The following ABCG1 variants were observed in gnomAD, a reference collection of about 807,000 sequenced individuals.
ABCG1 encodes ATP binding cassette subfamily G member 1, also known as ATP-binding cassette sub-family G member 1.
A neutral mutation model predicts 69.2 loss-of-function variants in ABCG1; 29 were observed. The observed-to-expected ratio is 0.42, with a 90% CI of 0.31 to 0.57. The LOEUF is 0.57. Among genes scored for constraint, ABCG1 ranks in the 20% least tolerant of loss-of-function variants. ABCG1 has a pLI of 0.15. For synonymous variants in ABCG1, 370 were observed against 374.8 expected, an observed-to-expected ratio of 0.99 and a Z score of 0.15; for missense variants, 718 against 898.1, an observed-to-expected ratio of 0.80 and a Z score of 2.56.
chr21:42,244,300 G>A (rs778448915), intron 2 of ABCG1, among the ~76,000 whole-genome samples: 16 of 152,158 alleles, frequency 1.1e-4, no homozygotes, highest in Non-Finnish European at 2.1e-4. Context: ...AACTTCCTTC[G>A]TCCCCTCCCA....
chr21:42,281,662 C>T (rs1372448568), intron 5 of ABCG1, among the ~76,000 whole-genome samples: 1 of 152,138 alleles, frequency 6.6e-6, no homozygotes, highest in Non-Finnish European at 1.5e-5. Context: ...TTTACAAGAA[C>T]AAAAGTGACT....
At chr21:42,268,064 G>A (rs1003062814) in intron 2 of ABCG1, among the ~76,000 whole-genome samples, 4 of 152,174 alleles carry the variant, frequency 2.6e-5, no homozygotes, top group Non-Finnish European at 4.4e-5. Context: ...CATCCTGCAC[G>A]GGGCTGATGG....
chr21:42,284,201 C>T (rs1325557392), intron 6 of ABCG1, among the ~76,000 whole-genome samples: 17 of 116,312 alleles, frequency 1.5e-4, no homozygotes, highest in Non-Finnish European at 2.6e-4. Context: ...GTTGCAAAGT[C>T]CCCCCGCCCA....
intron 2 of ABCG1, among the ~76,000 whole-genome samples, chr21:42,246,447 C>A (rs892894784): frequency 8.5e-5 from 13 of 152,266 alleles, no homozygotes; most frequent in African/African-American, 3.1e-4. Context: ...TGCTGCTTTG[C>A]TCTGATGGCT....
Position 42,219,309 on chromosome 21 carries a change from G to C in ABCG1, c.42+5G>C. 6.3e-7 allele frequency: 1 copy of C among 1,598,028 alleles called. No homozygotes were observed. On this transcript the variant is annotated splice_donor_5th_base_variant and intron_variant, in intron 1 of 14. Coordinates refer to ENST00000398449, the MANE Select transcript of ABCG1 (RefSeq NM_016818.3). The surrounding 1 kb of genome is among the most constrained non-coding windows in gnomAD (Gnocchi z 5.3). Reference sequence around the variant, plus strand: ...TTCTCGGTCGGCACCGCCATGGTGAGTGAGCGCATCCTTCGTCCGCCGGGA... The same window carrying C: ...TTCTCGGTCGGCACCGCCATGGTGACTGAGCGCATCCTTCGTCCGCCGGGA...
intron 2 of ABCG1, among the ~76,000 whole-genome samples, chr21:42,245,597 TG>T (rs1485615892): frequency 1.2e-4 from 19 of 152,162 alleles, no homozygotes; most frequent in Non-Finnish European, 2.4e-4. Context: ...GAGACAGGAC[TG>T]AGCTGGGTTC....
intron 2 of ABCG1, among the ~76,000 whole-genome samples, chr21:42,258,556 G>C (rs1348933978): frequency 6.6e-6 from 1 of 151,248 alleles, no homozygotes; most frequent in Admixed American, 6.6e-5. Context: ...TTGCAACTGG[G>C]GGTTGCCTTG....
chr21:42,280,115 A>G (rs955193315), intron 5 of ABCG1, among the ~76,000 whole-genome samples: 4 of 152,176 alleles, frequency 2.6e-5, no homozygotes, highest in Non-Finnish European at 4.4e-5. Context: ...CGTCCTGCAC[A>G]TGCTCCTCAC....
Position 42,296,098 on chromosome 21 carries a change from G to A in ABCG1, c.1773-66G>A. ...AATCGCAGGGAGGGTGAACGACATT[G>A]ACCTTCAGCCAACGGCGTGGCTGGC... On this transcript the variant is annotated intron_variant, in intron 14 of 14. Coordinates refer to ENST00000398449, the MANE Select transcript of ABCG1 (RefSeq NM_016818.3). The surrounding 1 kb of genome is among the most constrained non-coding windows in gnomAD (Gnocchi z 5.4). 1 of 1,402,444 alleles carries A rather than the reference G, an allele frequency of 7.1e-7. No homozygotes were observed. Among genetic ancestry groups the A allele is most frequent in the Non-Finnish European group, 1.0e-6 (1 of 989,380 alleles). The allele number at this position is 1,402,444 out of a possible 1,614,324, so 86.9% of individuals were successfully genotyped here. A position where few individuals can be genotyped will look rare whatever the true frequency, so the allele number is the denominator to read the frequency against.
At chr21:42,250,826 C>T (rs146423815) in intron 2 of ABCG1, among the ~76,000 whole-genome samples, 135 of 152,312 alleles carry the variant, frequency 8.9e-4, no homozygotes, top group African/African-American at 3.2e-3. Flanking sequence ...GGCATGGAGG[C>T]AGGGTCAGGA....
chr21:42,242,402 G>A (rs1216398660), intron 2 of ABCG1, among the ~76,000 whole-genome samples: 2 of 152,230 alleles, frequency 1.3e-5, no homozygotes, highest in African/African-American at 2.4e-5. Flanking sequence ...TGAGGAGGCT[G>A]AGCGGGGAGG....
intron 2 of ABCG1, among the ~76,000 whole-genome samples, chr21:42,254,908 G>C (rs752064242): frequency 6.6e-6 from 1 of 152,232 alleles, no homozygotes; most frequent in Non-Finnish European, 1.5e-5. Context: ...GGCATCCAAA[G>C]AAAAATCACG....
rs538990642 is a variant in ABCG1, at chr21:42,226,049, A to G, written c.286+135A>G. 4.9e-5 allele frequency: 50 copies of G among 1,023,470 alleles called. No homozygotes were observed. The East Asian group carries it at 1.1e-3, about 22-fold the overall frequency. 63.4% of individuals were successfully genotyped at this position (1,023,470 alleles called of 1,614,324 possible). A position where few individuals can be genotyped will look rare whatever the true frequency, so the allele number is the denominator to read the frequency against. ...CCCAACGCCGTCACTGCTGTGGTCA[A>G]TTTATTCTATTGCTTTCTGCCTGAA... On this transcript the variant is annotated intron_variant, in intron 2 of 14. Transcript: ENST00000398449.
chr21:42,262,492 C>T (rs1209093047), intron 2 of ABCG1, among the ~76,000 whole-genome samples: 1 of 152,190 alleles, frequency 6.6e-6, no homozygotes, highest in Non-Finnish European at 1.5e-5. Flanking sequence ...CACGGGGTTT[C>T]TTCTTTATGA....
intron 13 of ABCG1, among the ~76,000 whole-genome samples, chr21:42,293,355 C>T (rs2069125622): frequency 6.7e-6 from 1 of 148,240 alleles, no homozygotes; most frequent in Non-Finnish European, 1.5e-5. Flanking sequence ...ACCCACCACA[C>T]ACTACACACA....
At chr21:42,271,630 G>A (rs970798595) in intron 3 of ABCG1, among the ~76,000 whole-genome samples, 12 of 152,140 alleles carry the variant, frequency 7.9e-5, no homozygotes, top group Admixed American at 3.9e-4. Flanking sequence ...ACCTGCAATC[G>A]CAGCACTTTG....
intron 2 of ABCG1, among the ~76,000 whole-genome samples, chr21:42,231,070 C>T (rs1325999826): frequency 6.6e-6 from 1 of 152,228 alleles, no homozygotes; most frequent in African/African-American, 2.4e-5. Flanking sequence ...ATGTATTTTC[C>T]TTTTAATTGG....
chr21:42,257,154 A>C (rs1277438372), intron 2 of ABCG1, among the ~76,000 whole-genome samples: 1 of 152,208 alleles, frequency 6.6e-6, no homozygotes, highest in African/African-American at 2.4e-5. Context: ...GAACTTGCCC[A>C]AGGTCACACG....
At chr21:42,222,899 C>T (rs2067751767) in intron 1 of ABCG1, among the ~76,000 whole-genome samples, 1 of 152,184 alleles carries the variant, frequency 6.6e-6, no homozygotes, top group South Asian at 2.1e-4. Flanking sequence ...CCAGTTTTAT[C>T]CTCCTGGCCT....
Sources: allele counts gnomAD v4.1 joint callset (sites outside exome capture counted in the v4.1 genomes callset), GRCh38; gene constraint gnomAD v4.1.1; non-coding constraint Gnocchi (gnomAD v3.1); transcripts MANE v1.5; gene names NCBI Gene and HGNC (gene_info 2026-07-23, HGNC 2026-07-21).